HECTD2: variants seen among roughly 807,000 people sequenced by gnomAD.
The protein encoded by HECTD2 is HECT domain E3 ubiquitin protein ligase 2.
HECTD2 carries 35 observed loss-of-function variants against 103.2 expected under a neutral mutation model. That is an observed-to-expected ratio of 0.34 (90% CI 0.26 to 0.45). The LOEUF (loss-of-function observed/expected upper bound fraction) is 0.45, where lower values mean the gene tolerates loss of function less well. Ranked by LOEUF, HECTD2 falls within the 20% of genes least tolerant of loss-of-function variation. The pLI is 1.00. For missense variants in HECTD2, 596 were observed against 937.4 expected (o/e 0.64, Z 4.76); for synonymous variants, 281 against 329.9 (o/e 0.85, Z 1.61).
chr10:91,415,193 A>AGAGTGTGTGTGTGT (rs1554864255), intron 1 of HECTD2, among the ~76,000 whole-genome samples: 99 of 141,730 alleles, frequency 7.0e-4, no homozygotes, highest in Admixed American at 7.7e-4. Flanking sequence ...AATTAGAGAA[A>AGAGTGTGTGTGTGT]GTGTGTGTGT....
chr10:91,413,751 T>C (rs1321116249), intron 1 of HECTD2, among the ~76,000 whole-genome samples: 1 of 152,110 alleles, frequency 6.6e-6, no homozygotes, highest in Non-Finnish European at 1.5e-5. Context: ...CAAGAGACAG[T>C]AGAAATCAGG....
chr10:91,462,244 C>T (rs1212655510), intron 5 of HECTD2, 60 bp downstream of exon 5: 1 of 1,457,340 alleles, frequency 6.9e-7, no homozygotes, highest in Non-Finnish European at 9.2e-7. Context: ...TCAAAAGCAG[C>T]CATACAAATA....
At chr10:91,425,432 T>C in intron 2 of HECTD2, 22 bp downstream of exon 2, 1 of 1,447,278 alleles carries the variant, frequency 6.9e-7, no homozygotes, top group South Asian at 1.5e-5. Context: ...TTAAATATAT[T>C]TTGGCTAAAA....
intron 5 of HECTD2, among the ~76,000 whole-genome samples, chr10:91,475,194 A>T (rs1202532045): frequency 1.3e-5 from 2 of 152,226 alleles, no homozygotes; most frequent in Non-Finnish European, 2.9e-5. Flanking sequence ...TAGTGTGTCA[A>T]GAGAAAGGAG....
Position 91,487,798 on chromosome 10 carries a change from A to G in HECTD2, c.1191+20A>G, listed in dbSNP as rs939023429. 6 of 1,300,460 alleles carry G rather than the reference A, an allele frequency of 4.6e-6. No homozygotes were observed. The African/African-American group carries it at 7.4e-5, about 16-fold the overall frequency. 80.6% of individuals were successfully genotyped at this position (1,300,460 alleles called of 1,614,324 possible). ...GCAAGGGTAAGTCAGCTATAAAAAC[A>G]TATTTATGCTGACTATAATCAGTAT... On this transcript the variant is annotated intron_variant, in intron 11 of 20. Transcript: ENST00000298068. The surrounding 1 kb of genome is among the most constrained non-coding windows in gnomAD (Gnocchi z 4.1).
At chr10:91,474,857 A>G (rs945983844) in intron 5 of HECTD2, among the ~76,000 whole-genome samples, 1 of 152,208 alleles carries the variant, frequency 6.6e-6, no homozygotes, top group African/African-American at 2.4e-5. Context: ...AAGCTCAGGG[A>G]GGGCCTCTGT....
At chr10:91,462,797 C>T (rs1183131526) in intron 5 of HECTD2, 2 of 980,404 alleles carry the variant, frequency 2.0e-6, no homozygotes, top group Non-Finnish European at 2.4e-6. Flanking sequence ...ATTTTGAGAA[C>T]CATACTGCTA....
At position 91,501,450 on chromosome 10, in the gene HECTD2, T is replaced by G. The variant is rs562926826; in HGVS notation, c.2210+116T>G. On this transcript the variant is annotated intron_variant, in intron 20 of 20. Transcript: ENST00000298068. The stretch of plus-strand genomic sequence containing the variant: ...GTTTGAAGTTATTTTCATAGAAAAA[T>G]CTTCAGAGTAAACATGGCCTTGAAA... The G allele has an allele frequency of 2.8e-4, 175 of 618,250 alleles. 2 individuals are homozygous for G. Among genetic ancestry groups the G allele is most frequent in the Admixed American group, 4.1e-4 (11 of 26,902 alleles). 38.3% of individuals were successfully genotyped at this position (618,250 alleles called of 1,614,324 possible). A position where few individuals can be genotyped will look rare whatever the true frequency, so the allele number is the denominator to read the frequency against.
Position 91,496,340 on chromosome 10 carries a change from G to T in HECTD2, c.1648G>T (p.Val550Phe). ...DQNIPVGICN[V>F]TVDDLCQIMP... ...AAATATACCAGTAGGCATCTGCAATGTTACCGTGGACGACTTATGTCAAAT... is the reference window on the plus strand; with the variant it reads ...AAATATACCAGTAGGCATCTGCAATTTTACCGTGGACGACTTATGTCAAAT... Residue 550 changes from valine to phenylalanine, a missense_variant, in exon 15 of 21, where the codon GTT (valine) becomes TTT (phenylalanine). Coordinates refer to ENST00000298068, the MANE Select transcript of HECTD2 (RefSeq NM_182765.6). 6.2e-7 allele frequency: 1 copy of T among 1,612,174 alleles called. No homozygotes were observed. Among genetic ancestry groups the T allele is most frequent in the Non-Finnish European group, 8.5e-7 (1 of 1,178,742 alleles).
intron 1 of HECTD2, among the ~76,000 whole-genome samples, chr10:91,413,938 T>C (rs556828715): frequency 6.6e-6 from 1 of 152,296 alleles, no homozygotes; most frequent in Admixed American, 6.5e-5. Flanking sequence ...AATGTATGGA[T>C]ATGAAGGGCT....
intron 1 of HECTD2, among the ~76,000 whole-genome samples, chr10:91,424,161 G>T (rs555056582): frequency 1.3e-5 from 2 of 152,230 alleles, no homozygotes; most frequent in Admixed American, 1.3e-4. Context: ...TCGAGGAAAA[G>T]AGAGAAGAGC....
At chr10:91,451,108 C>G (rs1409579324) in intron 2 of HECTD2, among the ~76,000 whole-genome samples, 1 of 152,178 alleles carries the variant, frequency 6.6e-6, no homozygotes, top group Non-Finnish European at 1.5e-5. Flanking sequence ...ACAGCAAAGA[C>G]TGGGAACCAA....
At chr10:91,420,799 C>G (rs1843328529) in intron 1 of HECTD2, among the ~76,000 whole-genome samples, 1 of 152,108 alleles carries the variant, frequency 6.6e-6, no homozygotes, top group South Asian at 2.1e-4. Context: ...GATTGACATA[C>G]TAGGAAGCAT....
intron 5 of HECTD2, among the ~76,000 whole-genome samples, chr10:91,476,709 A>G (rs923045492): frequency 3.9e-5 from 6 of 152,184 alleles, no homozygotes; most frequent in Non-Finnish European, 8.8e-5. Flanking sequence ...CCCTGTGTCA[A>G]GCTGTGGCTA....
chr10:91,411,721 C>T (rs1056531359), intron 1 of HECTD2, among the ~76,000 whole-genome samples: 1 of 152,174 alleles, frequency 6.6e-6, no homozygotes. Context: ...TAATGATACA[C>T]GTTTAAAAGC....
intron 8 of HECTD2, among the ~76,000 whole-genome samples, chr10:91,483,468 G>A (rs887709039): frequency 6.6e-6 from 1 of 151,684 alleles, no homozygotes; most frequent in East Asian, 1.9e-4. Flanking sequence ...TTTAAATGGC[G>A]CTTTCTCCTT....
chr10:91,473,852 A>G (rs1298230036), intron 5 of HECTD2, among the ~76,000 whole-genome samples: 1 of 152,170 alleles, frequency 6.6e-6, no homozygotes, highest in Admixed American at 6.5e-5. Context: ...GGCTATTGAT[A>G]GTTAAGTTTT....
intron 1 of HECTD2, among the ~76,000 whole-genome samples, chr10:91,422,991 G>A (rs1401846614): frequency 1.3e-5 from 2 of 152,152 alleles, no homozygotes; most frequent in African/African-American, 4.8e-5. Context: ...TTTCCCTAAA[G>A]TACACTTAGT....
chr10:91,493,409 TG>T lies in HECTD2; in HGVS notation c.1433-10del. The T allele has an allele frequency of 1.4e-6, 2 of 1,442,538 alleles. No individual in the cohort carries two copies. The highest frequency in any genetic ancestry group is 1.5e-5 in the South Asian group (1 of 68,530). 89.4% of individuals were successfully genotyped at this position (1,442,538 alleles called of 1,614,324 possible). ...CATGTTAATAATAACATTATTCGTG[TG>T]TTTTTTTAGGCATGTTTACATATCA... On this transcript the variant is annotated splice_polypyrimidine_tract_variant and intron_variant, in intron 13 of 20. Transcript: ENST00000298068.
Sources: gnomAD v4.1 joint callset for allele counts (sites outside exome capture counted in the v4.1 genomes callset) on GRCh38, gnomAD v4.1.1 for gene constraint, Gnocchi (gnomAD v3.1) non-coding constraint, MANE v1.5 for transcripts, NCBI Gene and HGNC (gene_info 2026-07-23, HGNC 2026-07-21) for gene names.